Variants in TMEM132D observed in about 807,000 individuals in gnomAD.
TMEM132D encodes the protein transmembrane protein 132D.
TMEM132D carries 21 observed loss-of-function variants against 62.3 expected under a neutral mutation model. The observed-to-expected ratio is 0.34, with a 90% CI of 0.24 to 0.49. The LOEUF (loss-of-function observed/expected upper bound fraction) is 0.49. Ranked by LOEUF, TMEM132D falls within the 20% of genes least tolerant of loss-of-function variation. The probability of loss-of-function intolerance (pLI) is 0.99; values close to 1 mark genes in which losing one functional copy is unlikely to be tolerated. For missense variants in TMEM132D, 1,346 were observed against 1,402.8 expected, an observed-to-expected ratio of 0.96 and a Z score of 0.65; for synonymous variants, 621 against 575.6, an observed-to-expected ratio of 1.08 and a Z score of -1.13.
At chr12:129,157,323 C>T (rs903031139) in intron 5 of TMEM132D, among the ~76,000 whole-genome samples, 26 of 152,328 alleles carry the variant, frequency 1.7e-4, no homozygotes, top group Admixed American at 6.5e-4. Flanking sequence ...ATCAAGTCTC[C>T]GACTCATAAA....
chr12:129,472,783 G>A (rs971181813), intron 3 of TMEM132D, among the ~76,000 whole-genome samples: 4 of 152,188 alleles, frequency 2.6e-5, no homozygotes, highest in African/African-American at 9.7e-5. Context: ...TGAGTAAAAT[G>A]CTATCAAATA....
At chr12:129,233,713 G>A (rs1336509877) in intron 4 of TMEM132D, among the ~76,000 whole-genome samples, 2 of 151,990 alleles carry the variant, frequency 1.3e-5, no homozygotes, top group African/African-American at 4.8e-5. Context: ...TGCAACCTTT[G>A]CTTTCCAGTT....
intron 3 of TMEM132D, among the ~76,000 whole-genome samples, chr12:129,498,163 C>G (rs532736292): frequency 5.3e-5 from 8 of 152,284 alleles, no homozygotes; most frequent in African/African-American, 1.9e-4. Flanking sequence ...TCAATGACTT[C>G]TCAGAGGGAT....
chr12:129,389,613 A>G (rs1225738728), intron 3 of TMEM132D, among the ~76,000 whole-genome samples: 1 of 152,384 alleles, frequency 6.6e-6, no homozygotes, highest in East Asian at 1.9e-4. Flanking sequence ...TAATATTAAT[A>G]TGAACACTAA....
intron 3 of TMEM132D, among the ~76,000 whole-genome samples, chr12:129,496,677 A>C (rs1041833840): frequency 6.6e-6 from 1 of 152,150 alleles, no homozygotes. Context: ...CATTAAAAAA[A>C]AAATGCAAGC....
chr12:129,686,964 G>C (rs1019996703), intron 2 of TMEM132D, among the ~76,000 whole-genome samples: 1 of 152,138 alleles, frequency 6.6e-6, no homozygotes, highest in African/African-American at 2.4e-5. Flanking sequence ...TCAATCAAAT[G>C]GGTATAAAAA....
At chr12:129,414,493 GGCAATGAACCTA>G (rs1236747880) in intron 3 of TMEM132D, among the ~76,000 whole-genome samples, 1 of 152,158 alleles carries the variant, frequency 6.6e-6, no homozygotes, top group East Asian at 1.9e-4. Flanking sequence ...TATTTGGGTT[GGCAATGAACCTA>G]GCCTTAAGAA....
rs1351869058 is a variant in TMEM132D, at chr12:129,833,810, C to T, written c.79+69451G>A. On this transcript the variant is annotated intron_variant, in intron 1 of 8. Coordinates refer to ENST00000422113, the MANE Select transcript of TMEM132D (RefSeq NM_133448.3). ...GGCAAGGCATTTAACAAGTCGGTGT[C>T]AGTCTACAGGAAACTCCTCTCAAGC... 2.6e-5 allele frequency among the ~76,000 whole-genome samples: 4 copies of T among 152,204 alleles called. No homozygotes were observed. The East Asian group carries it at 5.8e-4, about 22-fold the overall frequency.
intron 4 of TMEM132D, among the ~76,000 whole-genome samples, chr12:129,314,716 G>A (rs1484446777): frequency 6.6e-6 from 1 of 152,046 alleles, no homozygotes; most frequent in Admixed American, 6.5e-5. Flanking sequence ...TTGGCAGTGT[G>A]GTCATTTTCA....
chr12:129,339,550 C>T (rs1869400814), intron 3 of TMEM132D, among the ~76,000 whole-genome samples: 2 of 152,180 alleles, frequency 1.3e-5, no homozygotes, highest in South Asian at 4.1e-4. Flanking sequence ...TAAAAATCCC[C>T]TAGGCCACGG....
intron 1 of TMEM132D, among the ~76,000 whole-genome samples, chr12:129,879,841 AAAC>A (rs1189200168): frequency 6.6e-6 from 1 of 152,152 alleles, no homozygotes; most frequent in African/African-American, 2.4e-5. Flanking sequence ...ACAACCAAGA[AAAC>A]AAACGGAACA....
At chr12:129,413,930 A>G (rs904186168) in intron 3 of TMEM132D, among the ~76,000 whole-genome samples, 2 of 152,250 alleles carry the variant, frequency 1.3e-5, no homozygotes, top group African/African-American at 4.8e-5. Flanking sequence ...GTGTGTGCTC[A>G]CACAATTAAA....
chr12:129,213,916 T>C (rs191359472), intron 4 of TMEM132D, among the ~76,000 whole-genome samples: 309 of 152,322 alleles, frequency 2.0e-3, no homozygotes, highest in African/African-American at 7.3e-3. Flanking sequence ...TCTCAATAGA[T>C]TGAAATCTAT....
At chr12:129,362,507 T>C (rs1402778977) in intron 3 of TMEM132D, among the ~76,000 whole-genome samples, 1 of 142,632 alleles carries the variant, frequency 7.0e-6, no homozygotes, top group Non-Finnish European at 1.5e-5. Context: ...GCTAACTCTT[T>C]CATCTCCACA....
intron 1 of TMEM132D, among the ~76,000 whole-genome samples, chr12:129,712,254 A>G (rs1868395545): frequency 1.3e-5 from 2 of 152,004 alleles, no homozygotes; most frequent in Admixed American, 1.3e-4. Context: ...CCTCCCAAGT[A>G]GCTGAAATTA....
intron 1 of TMEM132D, among the ~76,000 whole-genome samples, chr12:129,754,660 A>G (rs1278567237): frequency 6.6e-6 from 1 of 152,182 alleles, no homozygotes; most frequent in Non-Finnish European, 1.5e-5. Context: ...ACAGAGAAAA[A>G]GGGATGGCCA....
chr12:129,579,146 C>T (rs1416017516), intron 2 of TMEM132D, among the ~76,000 whole-genome samples: 5 of 152,138 alleles, frequency 3.3e-5, no homozygotes, highest in African/African-American at 9.7e-5. Context: ...GGGAAAAATG[C>T]TTTTGAACGA....
intron 3 of TMEM132D, among the ~76,000 whole-genome samples, chr12:129,424,247 C>T (rs1872414131): frequency 6.6e-6 from 1 of 151,626 alleles, no homozygotes; most frequent in African/African-American, 2.4e-5. Flanking sequence ...GAGCGGGAAG[C>T]ATAGTTTTTA....
At chr12:129,819,937 T>G (rs1872497570) in intron 1 of TMEM132D, among the ~76,000 whole-genome samples, 1 of 152,066 alleles carries the variant, frequency 6.6e-6, no homozygotes, top group Non-Finnish European at 1.5e-5. Flanking sequence ...GGGACAGAAT[T>G]CCAAGACCGC....
Sources: gnomAD v4.1 joint callset for allele counts (sites outside exome capture counted in the v4.1 genomes callset) on GRCh38, gnomAD v4.1.1 for gene constraint, MANE v1.5 for transcripts, NCBI Gene and HGNC (gene_info 2026-07-23, HGNC 2026-07-21) for gene names.